The following SIK2 variants were observed in gnomAD, a reference collection of about 807,000 sequenced individuals.
SIK2 encodes salt inducible kinase 2, also known as serine/threonine-protein kinase SIK2.
A neutral mutation model predicts 103.2 loss-of-function variants in SIK2; 29 were observed. That is an observed-to-expected ratio of 0.28 (90% CI 0.21 to 0.38). The LOEUF is 0.38. Among genes scored for constraint, SIK2 ranks in the 10% least tolerant of loss-of-function variants. The probability of loss-of-function intolerance (pLI) is 1.00; values close to 1 mark genes in which losing one functional copy is unlikely to be tolerated. For missense variants in SIK2, 879 were observed against 1,171.0 expected (o/e 0.75, Z 3.64); for synonymous variants, 412 against 446.1 (o/e 0.92, Z 0.96).
chr11:111,725,129 T>G lies in SIK2; in HGVS notation c.*1000T>G, dbSNP rs145886854. ...GGGCTTAGAGATTTTAAGGACATGA[T>G]AAATGAACTTTTCTGTCCCATGTGA... On this transcript the variant is annotated 3_prime_UTR_variant, in exon 15 of 15. Coordinates refer to ENST00000304987, the MANE Select transcript of SIK2 (RefSeq NM_015191.3). 2 of 152,816 alleles carry G rather than the reference T, an allele frequency of 1.3e-5. No homozygotes were observed. Among genetic ancestry groups the G allele is most frequent in the African/African-American group, 4.8e-5 (2 of 41,594 alleles). 9.5% of individuals were successfully genotyped at this position (152,816 alleles called of 1,614,324 possible).
intron 1 of SIK2, among the ~76,000 whole-genome samples, chr11:111,603,928 G>C (rs1296815038): frequency 3.9e-5 from 6 of 152,198 alleles, no homozygotes; most frequent in Non-Finnish European, 7.3e-5. Context: ...GTGATTTTTG[G>C]AGTTGCAGTT....
chr11:111,723,782 C>G lies in SIK2; in HGVS notation c.2434C>G (p.Pro812Ala), dbSNP rs377257252. 7.6e-5 allele frequency: 123 copies of G among 1,614,010 alleles called. 1 individual carries two copies. The Middle Eastern group carries it at 7.6e-3, about 100-fold the overall frequency. The change falls in exon 15 of 15, where the codon CCT becomes GCT. Residue 812 changes from proline (P) to alanine (A), a missense_variant. By Grantham distance (27) the Pro-to-Ala change is conservative. This residue lies in a region of SIK2 where 375 missense variants were observed against 416.3 expected (regional missense o/e 0.90). Coordinates refer to ENST00000304987, the MANE Select transcript of SIK2 (RefSeq NM_015191.3). ...LPSTSGPRAA[P>A]PLPTQLQQQQ... The stretch of plus-strand genomic sequence containing the variant: ...CTCCACTTCCGGTCCCCGGGCTGCT[C>G]CTCCTCTGCCCACGCAGCTACAGCA...
chr11:111,712,249 G>T lies in SIK2; in HGVS notation c.1140G>T (p.Pro380=), dbSNP rs145996999. ...GGCTCCCAGTGACCATGCATTCACC[G>T]AACATGAGGCTGCTGCGATCTGCCC... The part of the protein sequence containing the change: ...TVGLPVTMHS[P]NMRLLRSALL... Residue 380 remains proline, a synonymous_variant, in exon 9 of 15, where the codon CCG becomes CCT. Transcript: ENST00000304987. 1.2e-6 allele frequency: 2 copies of T among 1,614,160 alleles called. No homozygotes were observed. The highest frequency in any genetic ancestry group is 2.2e-5 in the East Asian group (1 of 44,882).
rs776983819 is a variant in SIK2, at chr11:111,705,039, T to C, written c.1001T>C (p.Val334Ala). The change falls in exon 8 of 15, where the codon GTG (valine) becomes GCG (alanine). Residue 334 changes from valine (V) to alanine (A), a missense_variant. Around this residue, in one of 7 missense-constraint regions of SIK2, gnomAD observed 99 missense variants for 153.9 expected, o/e 0.64. Coordinates refer to ENST00000304987, the MANE Select transcript of SIK2 (RefSeq NM_015191.3). This position sits in a 1 kb window ranked among gnomAD's most constrained non-coding sequence, Gnocchi z 4.3. ...NHFAAIYFLLVERLKSHRSSF... is the reference protein window; with the variant it reads ...NHFAAIYFLLAERLKSHRSSF... The stretch of plus-strand genomic sequence containing the variant: ...TTTGCTGCCATTTATTTCTTGTTGG[T>C]GGAGCGCCTGAAATCACATCGGAGC... 5 of 1,611,318 alleles carry C rather than the reference T, an allele frequency of 3.1e-6. No individual in the cohort carries two copies. Among genetic ancestry groups the C allele is most frequent in the African/African-American group, 1.3e-5 (1 of 74,712 alleles).
rs1010619779 is a variant in SIK2 at position 111,723,663 on chromosome 11, A to T, written c.2315A>T (p.Gln772Leu). ...CAGGCCCCACCGTTCAGCCTGACCC[A>T]GCCCCTGAGCCCCGTCCTGGAGCCT... ...SQQAPPFSLT[Q>L]PLSPVLEPSS... The change falls in exon 15 of 15, where the codon CAG (glutamine) becomes CTG (leucine). Residue 772 changes from glutamine (Q) to leucine (L), a missense_variant. Physicochemically the swap from Gln to Leu is moderately radical, Grantham distance 113. Coordinates refer to ENST00000304987, the MANE Select transcript of SIK2 (RefSeq NM_015191.3). 1 of 1,614,120 alleles carries T rather than the reference A, an allele frequency of 6.2e-7. No homozygotes were observed. The highest frequency in any genetic ancestry group is 1.3e-5 in the African/African-American group (1 of 75,032).
intron 3 of SIK2, among the ~76,000 whole-genome samples, chr11:111,658,930 C>T (rs1274581176): frequency 6.6e-6 from 1 of 151,994 alleles, no homozygotes; most frequent in Non-Finnish European, 1.5e-5. Flanking sequence ...AATGCAGAGC[C>T]CGGCATTCTT....
At chr11:111,679,096 A>G (rs971734398) in intron 3 of SIK2, among the ~76,000 whole-genome samples, 2 of 152,198 alleles carry the variant, frequency 1.3e-5, no homozygotes, top group Non-Finnish European at 2.9e-5. Context: ...TTTTACTTAC[A>G]TGTTTTATTA....
intron 3 of SIK2, chr11:111,672,417 A>G: frequency 2.8e-6 from 1 of 356,934 alleles, no homozygotes; most frequent in South Asian, 8.0e-5. Context: ...TGGAGGCAGG[A>G]GTGGCCAAAC....
At chr11:111,687,769 C>T (rs1244392681) in intron 3 of SIK2, among the ~76,000 whole-genome samples, 3 of 151,770 alleles carry the variant, frequency 2.0e-5, no homozygotes, top group Non-Finnish European at 4.4e-5. Flanking sequence ...CCATGCCTGG[C>T]TAATTTTTTG....
At chr11:111,658,683 G>A (rs1022322569) in intron 3 of SIK2, among the ~76,000 whole-genome samples, 2 of 152,054 alleles carry the variant, frequency 1.3e-5, no homozygotes, top group Non-Finnish European at 2.9e-5. Context: ...CAAGGATGCA[G>A]TGAGCCATGA....
rs1248591302 is a variant in SIK2 at position 111,729,612 on chromosome 11, CTT to C, written c.*5485_*5486del. 6.6e-6 allele frequency: 1 copy of C among 152,294 alleles called. No homozygotes were observed. Among genetic ancestry groups the C allele is most frequent in the African/African-American group, 2.4e-5 (1 of 41,466 alleles). 9.4% of individuals were successfully genotyped at this position (152,294 alleles called of 1,614,324 possible). On this transcript the variant is annotated 3_prime_UTR_variant, in exon 15 of 15. Transcript: ENST00000304987. ...CTTCTAGTGCTGGAAGAAGCCCTCT[CTT>C]TCCCTTCTCTTTCCTCAGTAGCATC...
chr11:111,619,376 T>C (rs1442443813), intron 2 of SIK2, among the ~76,000 whole-genome samples: 2 of 152,108 alleles, frequency 1.3e-5, no homozygotes, highest in Admixed American at 1.3e-4. Context: ...TTCTTTTTAT[T>C]CTATTTGTAT....
At chr11:111,666,071 C>G (rs1350382528) in intron 3 of SIK2, among the ~76,000 whole-genome samples, 1 of 152,178 alleles carries the variant, frequency 6.6e-6, no homozygotes, top group Non-Finnish European at 1.5e-5. Context: ...GATGCTGAAG[C>G]AGACCTCTCA....
intron 1 of SIK2, among the ~76,000 whole-genome samples, chr11:111,613,063 A>G (rs1169325821): frequency 6.6e-6 from 1 of 151,640 alleles, no homozygotes; most frequent in Non-Finnish European, 1.5e-5. Flanking sequence ...TATAATTTTT[A>G]TTAAAATTTA....
At chr11:111,620,965 T>A (rs1163957735) in intron 3 of SIK2, among the ~76,000 whole-genome samples, 2 of 152,212 alleles carry the variant, frequency 1.3e-5, no homozygotes, top group Non-Finnish European at 2.9e-5. Flanking sequence ...AAAATTTAAA[T>A]ATTTTATTCT....
intron 14 of SIK2, among the ~76,000 whole-genome samples, chr11:111,723,023 TCA>T (rs897844602): frequency 6.6e-6 from 1 of 152,196 alleles, no homozygotes; most frequent in Admixed American, 6.5e-5. Flanking sequence ...CTCCAAGCTT[TCA>T]CAGTCAGTGG....
intron 3 of SIK2, among the ~76,000 whole-genome samples, chr11:111,621,992 C>T (rs1167228390): frequency 6.6e-6 from 1 of 150,904 alleles, no homozygotes; most frequent in Non-Finnish European, 1.5e-5. Context: ...TCATATTTTA[C>T]TTAAACGTAT....
At chr11:111,712,579 G>A (rs571289144) in intron 9 of SIK2, among the ~76,000 whole-genome samples, 178 of 152,276 alleles carry the variant, frequency 1.2e-3, no homozygotes, top group African/African-American at 3.7e-3. Flanking sequence ...TGACCATTAC[G>A]TAATTTGTCA....
chr11:111,727,053 G>A lies in SIK2; in HGVS notation c.*2924G>A, dbSNP rs975272701. ...AGTATCTCCACGCAACTGATACACTGGTCCCTGTAAGGCAAACAGCATGTT... is the reference window on the plus strand; with the variant it reads ...AGTATCTCCACGCAACTGATACACTAGTCCCTGTAAGGCAAACAGCATGTT... On this transcript the variant is annotated 3_prime_UTR_variant, in exon 15 of 15. Transcript: ENST00000304987. The A allele has an allele frequency of 6.2e-7, 1 of 1,613,702 alleles. No individual in the cohort carries two copies. The highest frequency in any genetic ancestry group is 8.5e-7 in the Non-Finnish European group (1 of 1,179,752).
Sources: gnomAD v4.1 joint callset for allele counts (sites outside exome capture counted in the v4.1 genomes callset) on GRCh38, gnomAD v4.1.1 for gene constraint, gnomAD v4.1.1 regional missense constraint, Gnocchi (gnomAD v3.1) non-coding constraint, MANE v1.5 for transcripts, NCBI Gene and HGNC (gene_info 2026-07-23, HGNC 2026-07-21) for gene names.